Variants in TMC7 observed in about 807,000 individuals in gnomAD.
TMC7 encodes the protein transmembrane channel like 7.
In TMC7, 54 loss-of-function variants were observed where a neutral mutation model predicts 82.9. The ratio of observed to expected loss-of-function variants is 0.65; its 90% CI spans 0.52 to 0.82. The LOEUF (loss-of-function observed/expected upper bound fraction) is 0.82. Among genes scored for constraint, TMC7 ranks in the 40% least tolerant of loss-of-function variants. The pLI is 0.00. For synonymous variants in TMC7, 350 were observed against 337.9 expected (o/e 1.04, Z -0.39); for missense variants, 820 against 901.2 (o/e 0.91, Z 1.15).
intron 9 of TMC7, among the ~76,000 whole-genome samples, chr16:19,040,869 TA>T (rs1960979205): frequency 6.6e-6 from 1 of 151,782 alleles, no homozygotes. Flanking sequence ...AAACATTTTT[TA>T]TTTTGAAAAT....
rs1001059764 is a variant in TMC7 at position 18,984,117 on chromosome 16, G to A, written c.54G>A (p.Pro18=). Residue 18 remains proline (P), a synonymous_variant, in exon 1 of 16, where the codon CCG becomes CCA. Transcript: ENST00000304381. ...AGCCCGGCAGGCCCAGCCGGCAGCC[G>A]GCGGTCCATCCAGGTAGGGCGGCAG... ...ALQPGRPSRQ[P]AVHPENLSLD... is the part of the protein sequence containing the mutation. 2.7e-6 allele frequency: 4 copies of A among 1,502,764 alleles called. No homozygotes were observed. Among genetic ancestry groups the A allele is most frequent in the African/African-American group, 1.4e-5 (1 of 69,004 alleles). 93.1% of individuals were successfully genotyped at this position (1,502,764 alleles called of 1,614,324 possible).
intron 1 of TMC7, among the ~76,000 whole-genome samples, chr16:19,001,407 G>A (rs2039138374): frequency 6.6e-6 from 1 of 152,166 alleles, no homozygotes; most frequent in African/African-American, 2.4e-5. Context: ...TAGGCTGAGT[G>A]TGGTGGTTCA....
chr16:19,060,632 A>G (rs1961961826), intron 15 of TMC7, among the ~76,000 whole-genome samples: 1 of 152,100 alleles, frequency 6.6e-6, no homozygotes, highest in African/African-American at 2.4e-5. Flanking sequence ...GAGGGAGGGG[A>G]CAGTGTGGCC....
At chr16:19,000,358 T>G (rs2039120776) in intron 1 of TMC7, among the ~76,000 whole-genome samples, 1 of 151,920 alleles carries the variant, frequency 6.6e-6, no homozygotes. Flanking sequence ...TCCCAGCTAC[T>G]TGGGAGGCTG....
chr16:19,045,260 G>A, intron 10 of TMC7, 81 bp from the exon 11 acceptor site: 1 of 1,141,216 alleles, frequency 8.8e-7, no homozygotes, highest in Non-Finnish European at 1.3e-6. Context: ...GTTGGAAAGG[G>A]AATTAGAAGG....
intron 8 of TMC7, among the ~76,000 whole-genome samples, chr16:19,039,354 G>A (rs182771136): frequency 4.6e-5 from 7 of 152,154 alleles, no homozygotes; most frequent in Admixed American, 1.3e-4. Flanking sequence ...GCATCCCAAA[G>A]TGCTGGGATT....
chr16:19,051,031 C>A (rs1961513359), intron 12 of TMC7, among the ~76,000 whole-genome samples: 2 of 152,124 alleles, frequency 1.3e-5, no homozygotes, highest in South Asian at 2.1e-4. Flanking sequence ...GAATTACAGA[C>A]GTGAGATGTC....
chr16:19,025,826 C>G (rs947104441), intron 5 of TMC7, among the ~76,000 whole-genome samples: 1 of 151,422 alleles, frequency 6.6e-6, no homozygotes. Context: ...ACAATCTTGG[C>G]TCATTGCAAC....
intron 5 of TMC7, among the ~76,000 whole-genome samples, chr16:19,029,012 T>C (rs1358007092): frequency 6.6e-6 from 1 of 150,852 alleles, no homozygotes; most frequent in Non-Finnish European, 1.5e-5. Context: ...TATTTATTTA[T>C]TTATTTATTT....
chr16:19,028,608 A>G (rs1390595421), intron 5 of TMC7, among the ~76,000 whole-genome samples: 2 of 152,174 alleles, frequency 1.3e-5, no homozygotes, highest in Non-Finnish European at 1.5e-5. Context: ...CTTCTGATCC[A>G]TAAACATGGG....
intron 6 of TMC7, among the ~76,000 whole-genome samples, chr16:19,032,398 G>C (rs1346087488): frequency 6.6e-6 from 1 of 152,060 alleles, no homozygotes; most frequent in Non-Finnish European, 1.5e-5. Flanking sequence ...TGCTTTTGAG[G>C]GGCAAAGAGA....
At chr16:18,988,154 T>A (rs905848126) in intron 1 of TMC7, among the ~76,000 whole-genome samples, 1 of 147,564 alleles carries the variant, frequency 6.8e-6, no homozygotes, top group East Asian at 2.0e-4. Flanking sequence ...TCTTCTCTCT[T>A]TCTTTTTTTT....
chr16:19,050,417 G>T (rs796381068), intron 12 of TMC7, among the ~76,000 whole-genome samples: 3 of 139,636 alleles, frequency 2.1e-5, no homozygotes, highest in African/African-American at 5.4e-5. Flanking sequence ...AAACTTAAAT[G>T]AATTCATCTT....
Position 19,061,888 on chromosome 16 carries a change from A to T in TMC7, c.*45A>T. ...GGTGCTGCCTGTTGCTTCTAAGCTG[A>T]CCTAGTGATTCTGCTGAGCCTACAG... is the stretch of plus-strand genomic sequence containing the variant. On this transcript the variant is annotated 3_prime_UTR_variant, in exon 16 of 16. Transcript: ENST00000304381. 1 of 1,545,786 alleles carries T rather than the reference A, an allele frequency of 6.5e-7. No homozygotes were observed. The highest frequency in any genetic ancestry group is 8.9e-7 in the Non-Finnish European group (1 of 1,127,484).
intron 1 of TMC7, among the ~76,000 whole-genome samples, chr16:18,985,407 A>G (rs2038828271): frequency 6.6e-6 from 1 of 152,220 alleles, no homozygotes; most frequent in African/African-American, 2.4e-5. Flanking sequence ...GGTGGATTCA[A>G]TGCGAATTAT....
intron 12 of TMC7, among the ~76,000 whole-genome samples, chr16:19,049,836 A>T (rs887236543): frequency 6.6e-6 from 1 of 152,212 alleles, no homozygotes; most frequent in African/African-American, 2.4e-5. Flanking sequence ...GTCCCTGCGC[A>T]GTAACACAGC....
At chr16:19,027,451 T>C (rs566024699) in intron 5 of TMC7, among the ~76,000 whole-genome samples, 3 of 152,220 alleles carry the variant, frequency 2.0e-5, no homozygotes, top group African/African-American at 7.2e-5. Flanking sequence ...GTTAATAATA[T>C]AAATGTAAAT....
intron 1 of TMC7, among the ~76,000 whole-genome samples, chr16:18,998,367 T>C (rs2039080595): frequency 6.6e-6 from 1 of 152,170 alleles, no homozygotes; most frequent in Non-Finnish European, 1.5e-5. Flanking sequence ...TGGGAAACTG[T>C]GCTCTTAACT....
Position 19,009,211 on chromosome 16 carries a change from C to T in TMC7, c.107C>T (p.Pro36Leu). 1 of 1,614,194 alleles carries T rather than the reference C, an allele frequency of 6.2e-7. No homozygotes were observed. Among genetic ancestry groups the T allele is most frequent in the South Asian group, 1.1e-5 (1 of 91,082 alleles). Residue 36 changes from proline (P) to leucine (L), a missense_variant, in exon 2 of 16, where the codon CCT (proline) becomes CTT (leucine). By Grantham distance (98) the Pro-to-Leu change is moderately conservative (BLOSUM62 -3). Coordinates refer to ENST00000304381, the MANE Select transcript of TMC7 (RefSeq NM_024847.4). ...SLDSSCFSSPPVNFLQELPSY... is the reference protein window; with the variant it reads ...SLDSSCFSSPLVNFLQELPSY... ...GACTCCAGTTGCTTCTCTTCTCCACCTGTGAACTTCCTCCAAGAATTGCCA... is the reference window on the plus strand; with the variant it reads ...GACTCCAGTTGCTTCTCTTCTCCACTTGTGAACTTCCTCCAAGAATTGCCA...
Sources: gnomAD v4.1 joint callset for allele counts (sites outside exome capture counted in the v4.1 genomes callset) on GRCh38, gnomAD v4.1.1 for gene constraint, MANE v1.5 for transcripts, NCBI Gene and HGNC (gene_info 2026-07-23, HGNC 2026-07-21) for gene names.